PLXNA4: variants seen among roughly 807,000 people sequenced by gnomAD.
PLXNA4 encodes plexin-A4.
Under a neutral mutation model 191.8 loss-of-function variants are expected in PLXNA4, and 44 were observed. The ratio of observed to expected loss-of-function variants is 0.23; its 90% CI spans 0.18 to 0.29. PLXNA4 has a LOEUF of 0.29. Among genes scored for constraint, PLXNA4 ranks in the 10% least tolerant of loss-of-function variants. The probability of loss-of-function intolerance (pLI) is 1.00; values close to 1 mark genes in which losing one functional copy is unlikely to be tolerated. For synonymous variants in PLXNA4, 1,082 were observed against 1,009.5 expected (o/e 1.07, Z -1.36); for missense variants, 1,800 against 2,488.8 (o/e 0.72, Z 5.89).
intron 1 of PLXNA4, among the ~76,000 whole-genome samples, chr7:132,566,749 T>C (rs1343368259): frequency 1.3e-5 from 2 of 152,204 alleles, no homozygotes; most frequent in Non-Finnish European, 1.5e-5. Context: ...TTCACACTTT[T>C]TGAATTTGTT....
intron 2 of PLXNA4, among the ~76,000 whole-genome samples, chr7:132,607,321 C>G (rs1802945924): frequency 6.6e-6 from 1 of 152,160 alleles, no homozygotes; most frequent in African/African-American, 2.4e-5. Flanking sequence ...CTTCCTTCCA[C>G]CTTCTCCCCC....
At chr7:132,395,626 C>T (rs1377821214) in intron 3 of PLXNA4, among the ~76,000 whole-genome samples, 1 of 152,228 alleles carries the variant, frequency 6.6e-6, no homozygotes, top group Non-Finnish European at 1.5e-5. Context: ...TAAACCCTGG[C>T]ACCCATGCAG....
intron 4 of PLXNA4, among the ~76,000 whole-genome samples, chr7:132,243,216 G>C (rs1184948682): frequency 2.6e-5 from 4 of 152,298 alleles, no homozygotes; most frequent in Non-Finnish European, 4.4e-5. Context: ...GGCCATAAAT[G>C]GTGAAAGTTG....
At chr7:132,295,711 C>T (rs1801051521) in intron 4 of PLXNA4, among the ~76,000 whole-genome samples, 1 of 152,146 alleles carries the variant, frequency 6.6e-6, no homozygotes, top group Non-Finnish European at 1.5e-5. Flanking sequence ...TGTGCTCCAA[C>T]CCAGATGGAC....
chr7:132,207,411 C>G (rs369363111), intron 10 of PLXNA4, among the ~76,000 whole-genome samples: 81 of 152,342 alleles, frequency 5.3e-4, no homozygotes, highest in African/African-American at 1.9e-3. Flanking sequence ...TGATTGGCAG[C>G]CTCCGAGAGC....
intron 2 of PLXNA4, among the ~76,000 whole-genome samples, chr7:132,626,901 A>G (rs1803387501): frequency 6.6e-6 from 1 of 152,090 alleles, no homozygotes; most frequent in South Asian, 2.1e-4. Context: ...ACAGAACAAC[A>G]TGGTACTCTG....
intron 5 of PLXNA4, 148 bp from the exon 6 acceptor site, chr7:132,228,617 C>A (rs926810914): frequency 1.7e-5 from 17 of 1,008,578 alleles, no homozygotes; most frequent in Non-Finnish European, 1.8e-5. Context: ...CTTCCTCAAG[C>A]CTGGTCCTCC....
At chr7:132,162,937 C>A (rs879322603) in intron 24 of PLXNA4, among the ~76,000 whole-genome samples, 2 of 152,162 alleles carry the variant, frequency 1.3e-5, no homozygotes, top group African/African-American at 4.8e-5. Flanking sequence ...CAGCTCAGAG[C>A]AGTTGGAGGG....
At position 132,202,706 on chromosome 7, in the gene PLXNA4, C is replaced by G. The variant is rs1196049822; in HGVS notation, c.2526G>C (p.Glu842Asp). 1.9e-6 allele frequency: 3 copies of G among 1,597,768 alleles called. No individual in the cohort carries two copies. The highest frequency in any genetic ancestry group is 1.1e-5 in the South Asian group (1 of 88,748). ...CACCAGACAGCTCCAGCCACTGGCT[C>G]TCCTGGGCAGGGCAGTGCTGGCGCA... ...CTLRQHCPAQESQWLELSGAK... is the reference protein window; with the variant it reads ...CTLRQHCPAQDSQWLELSGAK... The change falls in exon 12 of 32, where the codon GAG (glutamate) becomes GAC (aspartate). Residue 842 changes from glutamate (E) to aspartate (D), a missense_variant. Physicochemically the swap from Glu to Asp is conservative, Grantham distance 45. Transcript: ENST00000321063.
intron 1 of PLXNA4, among the ~76,000 whole-genome samples, chr7:132,561,797 C>T (rs1232063482): frequency 7.1e-6 from 1 of 139,954 alleles, no homozygotes; most frequent in Non-Finnish European, 1.5e-5. Flanking sequence ...TAACCTCCTC[C>T]TCCTTATCCT....
intron 22 of PLXNA4, among the ~76,000 whole-genome samples, chr7:132,166,692 C>A (rs1796133456): frequency 1.3e-5 from 2 of 151,234 alleles, no homozygotes; most frequent in South Asian, 4.2e-4. Flanking sequence ...GCAAGAGCAT[C>A]CAGGAGAACA....
chr7:132,428,799 GA>G (rs1474613945), intron 3 of PLXNA4, among the ~76,000 whole-genome samples: 1 of 152,114 alleles, frequency 6.6e-6, no homozygotes, highest in East Asian at 1.9e-4. Context: ...ACAGCTCTGA[GA>G]ACAATTAGAA....
intron 4 of PLXNA4, among the ~76,000 whole-genome samples, chr7:132,296,758 A>G (rs1801097753): frequency 6.6e-6 from 1 of 151,942 alleles, no homozygotes; most frequent in African/African-American, 2.4e-5. Context: ...GTGGGCTTGG[A>G]GTGGGGAGTG....
chr7:132,377,910 G>A (rs560802223), intron 3 of PLXNA4, among the ~76,000 whole-genome samples: 1 of 152,222 alleles, frequency 6.6e-6, no homozygotes, highest in African/African-American at 2.4e-5. Flanking sequence ...ACACACCCAC[G>A]TTCTACTGGA....
chr7:132,570,564 G>C (rs746194887), intron 1 of PLXNA4, among the ~76,000 whole-genome samples: 45 of 152,310 alleles, frequency 3.0e-4, no homozygotes, highest in Non-Finnish European at 5.9e-4. Context: ...AACTGATCTT[G>C]AGCGAAGACC....
intron 14 of PLXNA4, among the ~76,000 whole-genome samples, chr7:132,190,768 CA>C (rs1236569213): frequency 6.6e-6 from 1 of 152,170 alleles, no homozygotes; most frequent in African/African-American, 2.4e-5. Flanking sequence ...CTGTGTGCTC[CA>C]GGGTCCCTGC....
chr7:132,513,411 A>G (rs964561131), intron 1 of PLXNA4, among the ~76,000 whole-genome samples: 21 of 152,208 alleles, frequency 1.4e-4, no homozygotes, highest in African/African-American at 4.3e-4. Flanking sequence ...TAAGGAAACC[A>G]AGGCATGAAC....
chr7:132,560,987 C>A, intron 1 of PLXNA4, among the ~76,000 whole-genome samples: 1 of 152,100 alleles, frequency 6.6e-6, no homozygotes, highest in African/African-American at 2.4e-5. Flanking sequence ...CTGAACCTTG[C>A]TACAGTACAA....
intron 19 of PLXNA4, 87 bp from the exon 20 acceptor site, chr7:132,180,008 A>C: frequency 6.8e-7 from 1 of 1,478,304 alleles, no homozygotes. Context: ...ACTAGTGACC[A>C]GGGCAGGATG....
Sources: allele counts gnomAD v4.1 joint callset (sites outside exome capture counted in the v4.1 genomes callset), GRCh38; gene constraint gnomAD v4.1.1; transcripts MANE v1.5; gene names NCBI Gene and HGNC (gene_info 2026-07-23, HGNC 2026-07-21).